Variants in EML4 observed in about 807,000 individuals in gnomAD.
EML4 encodes echinoderm microtubule-associated protein-like 4.
In EML4, 72 loss-of-function variants were observed where a neutral mutation model predicts 129.0. The observed-to-expected ratio is 0.56, with a 90% CI of 0.46 to 0.68. EML4 has a LOEUF of 0.68. EML4 is among the 30% of genes least tolerant of loss of function. The probability of loss-of-function intolerance (pLI) is 0.00; values close to 1 mark genes in which losing one functional copy is unlikely to be tolerated. For synonymous variants in EML4, 532 were observed against 405.0 expected (o/e 1.31, Z -3.77); for missense variants, 1,363 against 1,190.6 (o/e 1.14, Z -2.13).
intron 1 of EML4, among the ~76,000 whole-genome samples, chr2:42,243,538 A>G (rs1204274312): frequency 6.6e-6 from 1 of 152,190 alleles, no homozygotes; most frequent in Non-Finnish European, 1.5e-5. Context: ...AATCCTATTT[A>G]AAGGTGAAGA....
chr2:42,315,157 G>C (rs1426079741), intron 17 of EML4, among the ~76,000 whole-genome samples: 1 of 152,024 alleles, frequency 6.6e-6, no homozygotes, highest in Non-Finnish European at 1.5e-5. Context: ...TGTTCCTCCT[G>C]CCTAAAATGT....
rs763915257 is a variant in EML4, at chr2:42,329,731, T to A, written c.2473-3T>A. On this transcript the variant is annotated splice_region_variant and splice_polypyrimidine_tract_variant and intron_variant, in intron 22 of 22. Coordinates refer to ENST00000318522, the MANE Select transcript of EML4 (RefSeq NM_019063.5). ...TCCTGTCTGTCTGATTTATTTCATA[T>A]AGGCTCCCAGTCACAAGTACAGTGC... The A allele has an allele frequency of 6.2e-7, 1 of 1,610,608 alleles. No homozygotes were observed. Among genetic ancestry groups the A allele is most frequent in the Non-Finnish European group, 8.5e-7 (1 of 1,177,216 alleles).
chr2:42,223,983 A>G (rs938776752), intron 1 of EML4, among the ~76,000 whole-genome samples: 1 of 152,016 alleles, frequency 6.6e-6, no homozygotes, highest in African/African-American at 2.4e-5. Flanking sequence ...TTCTGAGGGA[A>G]TTTACCGTTT....
At chr2:42,253,721 GAAA>G (rs991015501) in intron 2 of EML4, among the ~76,000 whole-genome samples, 1 of 151,346 alleles carries the variant, frequency 6.6e-6, no homozygotes, top group Admixed American at 6.6e-5. Context: ...ATGCCAGGGG[GAAA>G]AAAAAGACAA....
chr2:42,299,483 C>T (rs1364989814), intron 13 of EML4, among the ~76,000 whole-genome samples: 2 of 152,014 alleles, frequency 1.3e-5, no homozygotes, highest in Non-Finnish European at 2.9e-5. Context: ...ACTATCTGAC[C>T]TAAGGACATT....
intron 3 of EML4, among the ~76,000 whole-genome samples, chr2:42,259,866 G>A (rs1487886721): frequency 2.7e-5 from 4 of 150,176 alleles, no homozygotes; most frequent in Admixed American, 1.3e-4. Context: ...AGTAGCTGGG[G>A]CTACAGGCGC....
chr2:42,294,376 A>G (rs528227340), intron 11 of EML4, among the ~76,000 whole-genome samples: 3 of 152,184 alleles, frequency 2.0e-5, no homozygotes, highest in African/African-American at 7.2e-5. Flanking sequence ...TGAAGGACAT[A>G]TCTCTAAATT....
At position 42,169,438 on chromosome 2, in the gene EML4, G is replaced by C. The variant is rs1450266775; in HGVS notation, c.-174G>C. 1.7e-5 allele frequency: 10 copies of C among 587,094 alleles called. No homozygotes were observed. In the African/African-American group the frequency reaches 2.0e-4, roughly 12 times the overall value. 36.4% of individuals were successfully genotyped at this position (587,094 alleles called of 1,614,324 possible). Reference sequence around the variant, plus strand: ...TCAACGTGACGGGGAAGTGGTTCGGGCGGCCGCGGCTTACTACCCCAGGGC... The same window carrying C: ...TCAACGTGACGGGGAAGTGGTTCGGCCGGCCGCGGCTTACTACCCCAGGGC... On this transcript the variant is annotated 5_prime_UTR_variant, in exon 1 of 23. Coordinates refer to ENST00000318522, the MANE Select transcript of EML4 (RefSeq NM_019063.5).
At chr2:42,178,984 G>A (rs552599962) in intron 1 of EML4, among the ~76,000 whole-genome samples, 1 of 152,184 alleles carries the variant, frequency 6.6e-6, no homozygotes, top group African/African-American at 2.4e-5. Context: ...TGAGAAGCAG[G>A]TTGTCTGCAT....
chr2:42,295,906 C>G (rs945646565), intron 13 of EML4, among the ~76,000 whole-genome samples: 4 of 152,062 alleles, frequency 2.6e-5, no homozygotes, highest in African/African-American at 9.7e-5. Context: ...ACTCATAGTT[C>G]AATCCACTTC....
chr2:42,290,751 T>A (rs1667594584), intron 11 of EML4, among the ~76,000 whole-genome samples: 1 of 151,960 alleles, frequency 6.6e-6, no homozygotes, highest in Non-Finnish European at 1.5e-5. Context: ...TTTTTTAATT[T>A]TCAAAATAAA....
chr2:42,215,078 G>C (rs1673104796), intron 1 of EML4, among the ~76,000 whole-genome samples: 1 of 151,860 alleles, frequency 6.6e-6, no homozygotes, highest in African/African-American at 2.4e-5. Flanking sequence ...ACTTTTTTTT[G>C]AGACAGGGTC....
At chr2:42,315,893 AAAAG>A (rs1669219517) in intron 17 of EML4, 65 bp from the exon 18 acceptor site, 10 of 1,230,896 alleles carry the variant, frequency 8.1e-6, no homozygotes, top group African/African-American at 4.6e-5. Context: ...AAAAAAAAGA[AAAAG>A]AACAACTTTT....
At chr2:42,271,099 G>A (rs1014322985) in intron 6 of EML4, among the ~76,000 whole-genome samples, 1 of 152,002 alleles carries the variant, frequency 6.6e-6, no homozygotes, top group Non-Finnish European at 1.5e-5. Context: ...TCGCCATGTT[G>A]CCCAGGCTGT....
At chr2:42,244,070 TTTTG>T (rs1331766277) in intron 1 of EML4, among the ~76,000 whole-genome samples, 104 of 70,344 alleles carry the variant, frequency 1.5e-3, no homozygotes, top group African/African-American at 3.6e-3. Flanking sequence ...TTAATGTTTT[TTTTG>T]TTTTTTGTTT....
chr2:42,234,976 G>A (rs917640089), intron 1 of EML4, among the ~76,000 whole-genome samples: 1 of 152,116 alleles, frequency 6.6e-6, no homozygotes, highest in Admixed American at 6.5e-5. Context: ...GGCCAACGTG[G>A]CGAAACCCCA....
At chr2:42,197,529 A>T (rs549085742) in intron 1 of EML4, among the ~76,000 whole-genome samples, 1 of 152,266 alleles carries the variant, frequency 6.6e-6, no homozygotes, top group Non-Finnish European at 1.5e-5. Flanking sequence ...GATTTTTTTT[A>T]AATGAAAATA....
intron 1 of EML4, among the ~76,000 whole-genome samples, chr2:42,218,995 A>C (rs1433843170): frequency 6.6e-6 from 1 of 152,228 alleles, no homozygotes; most frequent in African/African-American, 2.4e-5. Flanking sequence ...GGTATAATGC[A>C]GTTAACTAAT....
At chr2:42,207,832 A>G (rs1489160717) in intron 1 of EML4, 2 of 152,224 alleles carry the variant, frequency 1.3e-5, no homozygotes, top group Non-Finnish European at 2.9e-5. Context: ...TCACTGATGA[A>G]TAATTGATTT....
Sources: allele counts gnomAD v4.1 joint callset (sites outside exome capture counted in the v4.1 genomes callset), GRCh38; gene constraint gnomAD v4.1.1; transcripts MANE v1.5; gene names NCBI Gene and HGNC (gene_info 2026-07-23, HGNC 2026-07-21).